GTF3C1: variants seen among roughly 807,000 people sequenced by gnomAD.
GTF3C1 encodes the protein general transcription factor 3C polypeptide 1.
A neutral mutation model predicts 226.7 loss-of-function variants in GTF3C1; 57 were observed. That is an observed-to-expected ratio of 0.25 (90% CI 0.20 to 0.31). GTF3C1 has a LOEUF of 0.31. Among genes scored for constraint, GTF3C1 ranks in the 10% least tolerant of loss-of-function variants. GTF3C1 has a pLI of 1.00. For missense variants in GTF3C1, 2,217 were observed against 2,776.1 expected (o/e 0.80, Z 4.53); for synonymous variants, 1,090 against 1,084.8 (o/e 1.00, Z -0.09).
At chr16:27,505,851 CCA>C (rs1567402123) in intron 10 of GTF3C1, 46 bp downstream of exon 10, 1 of 1,031,894 alleles carries the variant, frequency 9.7e-7, no homozygotes, top group Non-Finnish European at 1.5e-6. Flanking sequence ...AACGATGAGG[CCA>C]CAGACTCCTT....
chr16:27,505,220 CCT>C (rs1287801757), intron 10 of GTF3C1, among the ~76,000 whole-genome samples: 1 of 152,196 alleles, frequency 6.6e-6, no homozygotes, highest in African/African-American at 2.4e-5. Context: ...GTCTTTAACT[CCT>C]TGATATATAA....
At chr16:27,515,268 G>T (rs909126238) in intron 6 of GTF3C1, among the ~76,000 whole-genome samples, 1 of 152,018 alleles carries the variant, frequency 6.6e-6, no homozygotes, top group African/African-American at 2.4e-5. Context: ...AACAGAGCAA[G>T]ACTTCATTTC....
At chr16:27,528,815 A>T in intron 5 of GTF3C1, 94 bp from the exon 6 acceptor site, 3 of 1,204,384 alleles carry the variant, frequency 2.5e-6, no homozygotes, top group Non-Finnish European at 3.7e-6. Context: ...TCAGGACCTG[A>T]ATTAATTGAT....
Position 27,495,540 on chromosome 16 carries a change from A to G in GTF3C1, c.2351-48T>C, listed in dbSNP as rs751855965. 40 of 1,544,008 alleles carry G rather than the reference A, an allele frequency of 2.6e-5. No individual in the cohort carries two copies. The East Asian group carries it at 9.0e-4, about 35-fold the overall frequency. ...CGGTGCTTGAAAAATCCCATACTGA[A>G]TTCAGTTTTAATTCATTAAAAAATG... is the stretch of plus-strand genomic sequence containing the variant. On this transcript the variant is annotated intron_variant, in intron 14 of 36. Coordinates refer to ENST00000356183, the MANE Select transcript of GTF3C1 (RefSeq NM_001520.4).
chr16:27,498,484 G>A (rs1434212445), intron 13 of GTF3C1, 146 bp downstream of exon 13: 2 of 683,112 alleles, frequency 2.9e-6, no homozygotes, highest in Non-Finnish European at 5.3e-6. Context: ...TCCTTATTGA[G>A]ACTAGGAGAT....
At position 27,485,958 on chromosome 16, in the gene GTF3C1, T is replaced by A. The variant is rs1279668493; in HGVS notation, c.3858+39A>T. ...GGCTCAGACAGGAAGGAGCTCCGAGTGAGGGGCAGGCCCACCGCTGGGCTG... is the reference window on the plus strand; with the variant it reads ...GGCTCAGACAGGAAGGAGCTCCGAGAGAGGGGCAGGCCCACCGCTGGGCTG... On this transcript the variant is annotated intron_variant, in intron 24 of 36. Coordinates refer to ENST00000356183, the MANE Select transcript of GTF3C1 (RefSeq NM_001520.4). 3 of 1,471,534 alleles carry A rather than the reference T, an allele frequency of 2.0e-6. No homozygotes were observed. In the African/African-American group the frequency reaches 4.2e-5, roughly 21 times the overall value. 91.2% of individuals were successfully genotyped at this position (1,471,534 alleles called of 1,614,324 possible). A position where few individuals can be genotyped will look rare whatever the true frequency, so the allele number is the denominator to read the frequency against.
At chr16:27,486,433 A>C (rs1487053871) in intron 23 of GTF3C1, among the ~76,000 whole-genome samples, 2 of 152,150 alleles carry the variant, frequency 1.3e-5, no homozygotes, top group African/African-American at 4.8e-5. Flanking sequence ...GTTATCTGCC[A>C]ATCTCCAATC....
chr16:27,464,619 CG>C lies in GTF3C1; in HGVS notation c.5572del (p.Arg1858GlyfsTer23). On this transcript the variant is annotated frameshift_variant, in exon 34 of 37. Coordinates refer to ENST00000356183, the MANE Select transcript of GTF3C1 (RefSeq NM_001520.4). LOFTEE classifies it high-confidence loss of function. ...EGQAPPSHSPRGTKRRASWAS... is the reference protein window; with the variant it reads ...EGQAPPSHSPXGTKRRASWAS... ...CCAGCTGGCGCGCCTCTTGGTGCCCCGGGGGCTGTGAGAAGGAGGTGCCTGC... is the reference window on the plus strand; with the variant it reads ...CCAGCTGGCGCGCCTCTTGGTGCCCCGGGGCTGTGAGAAGGAGGTGCCTGC... 3 of 1,504,964 alleles carry C rather than the reference CG, an allele frequency of 2.0e-6. No homozygotes were observed. The highest frequency in any genetic ancestry group is 1.4e-5 in the African/African-American group (1 of 70,440). The allele number at this position is 1,504,964 out of a possible 1,614,324, so 93.2% of individuals were successfully genotyped here.
chr16:27,488,684 C>T, intron 21 of GTF3C1, 49 bp from the exon 22 acceptor site: 7 of 1,444,830 alleles, frequency 4.8e-6, no homozygotes, highest in Non-Finnish European at 6.8e-6. Flanking sequence ...TCCACAAATC[C>T]CCAGCCGCCC....
chr16:27,465,657 C>A, intron 32 of GTF3C1, 117 bp from the exon 33 acceptor site: 1 of 798,700 alleles, frequency 1.3e-6, no homozygotes, highest in Non-Finnish European at 2.0e-6. Flanking sequence ...GCTTCCCCGA[C>A]AGCCACAGGG....
Position 27,481,189 on chromosome 16 carries a change from A to G in GTF3C1, c.4086T>C (p.Val1362=). Residue 1362 remains valine, a splice_region_variant and synonymous_variant, in exon 27 of 37, where the codon GTT becomes GTC. Transcript: ENST00000356183. ...NRRGDYDDPK[V]CANEFKEFVE... ...CAAATTCTTTAAACTCGTTGGCACAAACCTTTCAACATGAGAGCATGAGAG... is the reference window on the plus strand; with the variant it reads ...CAAATTCTTTAAACTCGTTGGCACAGACCTTTCAACATGAGAGCATGAGAG... 6.2e-7 allele frequency: 1 copy of G among 1,613,718 alleles called. No homozygotes were observed. Among genetic ancestry groups the G allele is most frequent in the Non-Finnish European group, 8.5e-7 (1 of 1,179,584 alleles).
chr16:27,541,487 CAAG>C (rs1254396371), intron 2 of GTF3C1, among the ~76,000 whole-genome samples: 5 of 152,128 alleles, frequency 3.3e-5, no homozygotes, highest in Admixed American at 6.6e-5. Flanking sequence ...TAGCGGTGAA[CAAG>C]AAGGATAGAG....
In GTF3C1 at chr16:27,500,157, C is replaced by A. The variant is rs145937884; in HGVS notation, c.2061+1034G>T. On this transcript the variant is annotated intron_variant, in intron 12 of 36. Coordinates refer to ENST00000356183, the MANE Select transcript of GTF3C1 (RefSeq NM_001520.4). ...GGGGGGTTCCTGTCTTCAGTGACTG[C>A]ACTCTTTGAAGATCAACAGAAATAG... Among the ~76,000 whole-genome samples, 304 of 152,296 alleles carry A rather than the reference C, an allele frequency of 2.0e-3. 1 individual carries two copies. Among genetic ancestry groups the A allele is most frequent in the African/African-American group, 6.9e-3 (286 of 41,548 alleles).
At chr16:27,482,898 C>G (rs1034384983) in intron 26 of GTF3C1, 146 bp downstream of exon 26, 4 of 669,540 alleles carry the variant, frequency 6.0e-6, no homozygotes, top group Non-Finnish European at 1.0e-5. Context: ...CACCAGAGAG[C>G]TGACTCGGTG....
At position 27,478,526 on chromosome 16, in the gene GTF3C1, C is replaced by G; in HGVS notation, c.4202G>C (p.Arg1401Pro). ...TTTTTCATCCCCAATTGCCAAAACT[C>G]GGTACCTGCAAAAGAAACATAACAG... is the stretch of plus-strand genomic sequence containing the variant. Reference protein sequence around the residue: ...DTLQELFARYRVLAIGDEKDQ... With the variant: ...DTLQELFARYPVLAIGDEKDQ... Residue 1401 changes from arginine (R) to proline (P), a missense_variant, in exon 28 of 37, where the codon CGA becomes CCA. Arg to Pro is a moderately radical substitution (Grantham distance 103, BLOSUM62 -2). Coordinates refer to ENST00000356183, the MANE Select transcript of GTF3C1 (RefSeq NM_001520.4). 13 of 1,610,520 alleles carry G rather than the reference C, an allele frequency of 8.1e-6. No individual in the cohort carries two copies. The highest frequency in any genetic ancestry group is 1.1e-5 in the Non-Finnish European group (13 of 1,176,752).
chr16:27,465,251 A>G lies in GTF3C1; in HGVS notation c.5355+9T>C, dbSNP rs1161480025. On this transcript the variant is annotated intron_variant, in intron 33 of 36. Transcript: ENST00000356183. The stretch of plus-strand genomic sequence containing the variant: ...CGGTGATATCCGGCTAACCTAAAGC[A>G]CAGCTCACCTGGATGCAATCTGCGA... The G allele has an allele frequency of 1.2e-6, 2 of 1,613,390 alleles. No homozygotes were observed. Among genetic ancestry groups the G allele is most frequent in the Non-Finnish European group, 1.7e-6 (2 of 1,179,486 alleles).
In GTF3C1 at chr16:27,469,508, C is replaced by T. The variant is rs1480866836; in HGVS notation, c.4857G>A (p.Glu1619=). 8 of 1,613,334 alleles carry T rather than the reference C, an allele frequency of 5.0e-6. No homozygotes were observed. In the South Asian group the frequency reaches 8.8e-5, roughly 18 times the overall value. ...DGSLEDDEDE[E]DDLDEGVGGK... ...CCCCTACACCTTCGTCCAAGTCATCCTCTTCATCCTCGTCATCCTCCAGGC... is the reference window on the plus strand; with the variant it reads ...CCCCTACACCTTCGTCCAAGTCATCTTCTTCATCCTCGTCATCCTCCAGGC... Residue 1619 remains glutamate, a synonymous_variant, in exon 32 of 37, where the codon GAG becomes GAA. Coordinates refer to ENST00000356183, the MANE Select transcript of GTF3C1 (RefSeq NM_001520.4). This position sits in a 1 kb window ranked among gnomAD's most constrained non-coding sequence, Gnocchi z 4.5.
chr16:27,541,366 G>A, intron 2 of GTF3C1, among the ~76,000 whole-genome samples: 1 of 152,202 alleles, frequency 6.6e-6, no homozygotes, highest in East Asian at 1.9e-4. Flanking sequence ...GCCCTCTGAT[G>A]CCGTGCTGGG....
chr16:27,464,131 T>G, intron 34 of GTF3C1, 189 bp downstream of exon 34: 1 of 453,526 alleles, frequency 2.2e-6, no homozygotes, highest in Non-Finnish European at 3.8e-6. Context: ...AGGCCTGCCC[T>G]CCCCTGGAAA....
Sources: gnomAD v4.1 joint callset for allele counts (sites outside exome capture counted in the v4.1 genomes callset) on GRCh38, gnomAD v4.1.1 for gene constraint, Gnocchi (gnomAD v3.1) non-coding constraint, MANE v1.5 for transcripts, NCBI Gene and HGNC (gene_info 2026-07-23, HGNC 2026-07-21) for gene names.